EPM2A: variants seen among roughly 807,000 people sequenced by gnomAD.
EPM2A encodes the protein laforin.
A neutral mutation model predicts 26.5 loss-of-function variants in EPM2A; 21 were observed. That is an observed-to-expected ratio of 0.79 (90% confidence interval 0.56 to 1.14). EPM2A has a LOEUF of 1.14. Ranked by LOEUF, EPM2A falls within the 50% of genes most tolerant of loss-of-function variation. EPM2A has a pLI of 0.00. For missense variants in EPM2A, 458 were observed against 440.8 expected (o/e 1.04, Z -0.35); for synonymous variants, 217 against 177.6 (o/e 1.22, Z -1.76).
At chr6:145,688,052 T>C (rs1479829601) in intron 1 of EPM2A, among the ~76,000 whole-genome samples, 2 of 152,182 alleles carry the variant, frequency 1.3e-5, no homozygotes. Flanking sequence ...ATAAGTTTTT[T>C]TTCATTCTTC....
intron 4 of EPM2A, among the ~76,000 whole-genome samples, chr6:145,387,499 A>C (rs866389594): frequency 1.3e-5 from 2 of 152,056 alleles, no homozygotes; most frequent in Non-Finnish European, 2.9e-5. Flanking sequence ...CTTCCTTGAC[A>C]ATCCCATGAT....
In EPM2A at chr6:145,491,572, A is replaced by G. The variant is rs74746309; in HGVS notation, c.555+10950T>C. Among the ~76,000 whole-genome samples the G allele has an allele frequency of 1.7e-3, 261 of 152,176 alleles. 1 individual carries two copies. The highest frequency in any genetic ancestry group is 6.1e-3 in the African/African-American group (252 of 41,516). On this transcript the variant is annotated intron_variant, in intron 4 of 4. Transcript: ENST00000638717. ...TGCCAATGGAGCCTGGGGTTTTTATAGGCACAGGATAGGGGGCAGGGCAGG... is the reference window on the plus strand; with the variant it reads ...TGCCAATGGAGCCTGGGGTTTTTATGGGCACAGGATAGGGGGCAGGGCAGG...
chr6:145,414,603 C>T (rs1394879093), intron 4 of EPM2A, among the ~76,000 whole-genome samples: 1 of 152,046 alleles, frequency 6.6e-6, no homozygotes, highest in Non-Finnish European at 1.5e-5. Flanking sequence ...CTTTTGTCCT[C>T]CTCCTTTGAG....
At chr6:145,673,130 TA>T (rs75078813) in intron 2 of EPM2A, among the ~76,000 whole-genome samples, 23 of 144,594 alleles carry the variant, frequency 1.6e-4, no homozygotes, top group Admixed American at 5.5e-4. Context: ...TTTTTAAAAT[TA>T]AAAAAAAAAA....
chr6:145,520,841 G>T (rs1211610040), intron 2 of EPM2A, among the ~76,000 whole-genome samples: 1 of 152,176 alleles, frequency 6.6e-6, no homozygotes, highest in Non-Finnish European at 1.5e-5. Flanking sequence ...ACTTCATCAA[G>T]AATGTAATGG....
At chr6:145,691,406 A>G (rs1020471551) in intron 1 of EPM2A, among the ~76,000 whole-genome samples, 1 of 152,194 alleles carries the variant, frequency 6.6e-6, no homozygotes. Flanking sequence ...CCTTCAGGAA[A>G]AAAAGGGAAA....
chr6:145,416,870 T>TC (rs1778715677), intron 4 of EPM2A, among the ~76,000 whole-genome samples: 3 of 152,152 alleles, frequency 2.0e-5, no homozygotes, highest in Admixed American at 6.6e-5. Flanking sequence ...TTTCTTAATT[T>TC]TTTTTTTTTA....
At chr6:145,583,627 T>A (rs1781145726) in intron 2 of EPM2A, among the ~76,000 whole-genome samples, 2 of 152,062 alleles carry the variant, frequency 1.3e-5, no homozygotes, top group Admixed American at 1.3e-4. Context: ...AGGAGTGGCA[T>A]GGGATCCATG....
At chr6:145,482,223 A>G (rs914086918) in intron 4 of EPM2A, among the ~76,000 whole-genome samples, 1 of 152,182 alleles carries the variant, frequency 6.6e-6, no homozygotes, top group African/African-American at 2.4e-5. Flanking sequence ...TGGCAATGAT[A>G]ATAAATTATA....
At chr6:145,610,937 A>C (rs1282943356) in intron 2 of EPM2A, among the ~76,000 whole-genome samples, 3 of 152,134 alleles carry the variant, frequency 2.0e-5, no homozygotes, top group African/African-American at 7.2e-5. Context: ...AAATGCCCTA[A>C]ATTATTTTCA....
intron 2 of EPM2A, among the ~76,000 whole-genome samples, chr6:145,508,207 G>A (rs922268296): frequency 6.6e-6 from 1 of 152,208 alleles, no homozygotes; most frequent in African/African-American, 2.4e-5. Context: ...GGGGCCTGGG[G>A]AGTGTGGACT....
At position 145,465,040 on chromosome 6, in the gene EPM2A, A is replaced by C. The variant is rs1203771830; in HGVS notation, c.555+37482T>G. On this transcript the variant is annotated intron_variant, in intron 4 of 4. Transcript: ENST00000638717. ...TTGGCCTGCCTTGCTAGATTGGGGAATTTCTCCTGGATAATATCCTGCAGA... is the reference window on the plus strand; with the variant it reads ...TTGGCCTGCCTTGCTAGATTGGGGACTTTCTCCTGGATAATATCCTGCAGA... Among the ~76,000 whole-genome samples the C allele has an allele frequency of 4.6e-5, 7 of 151,412 alleles. No individual in the cohort carries two copies. The South Asian group carries it at 1.3e-3, about 27-fold the overall frequency.
At chr6:145,606,171 A>G (rs908953677) in intron 2 of EPM2A, among the ~76,000 whole-genome samples, 1 of 152,130 alleles carries the variant, frequency 6.6e-6, no homozygotes, top group Non-Finnish European at 1.5e-5. Flanking sequence ...AGGAAAAAAA[A>G]CACAATTGCT....
chr6:145,396,396 C>A (rs1335265352), intron 4 of EPM2A, among the ~76,000 whole-genome samples: 1 of 152,166 alleles, frequency 6.6e-6, no homozygotes, highest in Non-Finnish European at 1.5e-5. Flanking sequence ...CAAAATTGTT[C>A]TTTAAACCCC....
intron 2 of EPM2A, among the ~76,000 whole-genome samples, chr6:145,650,071 TA>T (rs1777769652): frequency 6.6e-6 from 1 of 152,046 alleles, no homozygotes; most frequent in African/African-American, 2.4e-5. Context: ...ATGATAAGGA[TA>T]AACATCTGCT....
intron 2 of EPM2A, among the ~76,000 whole-genome samples, chr6:145,539,822 T>G (rs1367049346): frequency 6.6e-6 from 1 of 152,136 alleles, no homozygotes; most frequent in Non-Finnish European, 1.5e-5. Context: ...CTAGGGATAG[T>G]AAACAATTCA....
chr6:145,654,831 G>T (rs1052157001), intron 2 of EPM2A, among the ~76,000 whole-genome samples: 1 of 152,038 alleles, frequency 6.6e-6, no homozygotes, highest in African/African-American at 2.4e-5. Context: ...GTTTTTCAAG[G>T]CTCCTGAAGT....
intron 2 of EPM2A, among the ~76,000 whole-genome samples, chr6:145,593,349 A>AC (rs1165280668): frequency 6.6e-6 from 1 of 152,066 alleles, no homozygotes; most frequent in Non-Finnish European, 1.5e-5. Context: ...ACTTCAACAC[A>AC]CCTTTTCAGT....
At chr6:145,544,102 T>A (rs1170486778) in intron 2 of EPM2A, among the ~76,000 whole-genome samples, 1 of 152,188 alleles carries the variant, frequency 6.6e-6, no homozygotes, top group South Asian at 2.1e-4. Context: ...TAGAGTTAAG[T>A]CTGGCAGAGG....
Sources: gnomAD v4.1 joint callset for allele counts (sites outside exome capture counted in the v4.1 genomes callset) on GRCh38, gnomAD v4.1.1 for gene constraint, MANE v1.5 for transcripts, NCBI Gene and HGNC (gene_info 2026-07-23, HGNC 2026-07-21) for gene names.